PTCH1: variants seen among roughly 807,000 people sequenced by gnomAD.
PTCH1 encodes the protein protein patched homolog 1.
Under a neutral mutation model 144.6 loss-of-function variants are expected in PTCH1, and 14 were observed. The ratio of observed to expected loss-of-function variants is 0.10; its 90% CI spans 0.06 to 0.15. The LOEUF is 0.15. Among genes scored for constraint, PTCH1 ranks in the 10% least tolerant of loss-of-function variants. The pLI is 1.00. For synonymous variants in PTCH1, 833 were observed against 793.6 expected, an observed-to-expected ratio of 1.05 and a Z score of -0.83; for missense variants, 1,623 against 1,948.3, an observed-to-expected ratio of 0.83 and a Z score of 3.14.
intron 1 of PTCH1, 150 bp from the exon 2 acceptor site, chr9:95,506,749 C>G: frequency 9.4e-7 from 1 of 1,066,382 alleles, no homozygotes; most frequent in Non-Finnish European, 1.2e-6. Context: ...GACTGCAGCC[C>G]CGGCGGATCT....
chr9:95,465,594 G>A (rs1321741339), intron 15 of PTCH1, among the ~76,000 whole-genome samples: 3 of 152,196 alleles, frequency 2.0e-5, no homozygotes, highest in South Asian at 4.1e-4. Context: ...GTAAACACAA[G>A]TCAAGGCCAG....
At position 95,445,821 on chromosome 9, in the gene PTCH1, A is replaced by C. The variant is rs1227980743; in HGVS notation, c.*572T>G. ...GGACCGCACACAACGACACCTAGAG[A>C]AGCCACCAGGATTAACGTGCTTTCT... is the stretch of plus-strand genomic sequence containing the variant. On this transcript the variant is annotated 3_prime_UTR_variant, in exon 24 of 24. Coordinates refer to ENST00000331920, the MANE Select transcript of PTCH1 (RefSeq NM_000264.5). The C allele has an allele frequency of 1.3e-5, 2 of 156,102 alleles. No homozygotes were observed. Among genetic ancestry groups the C allele is most frequent in the Non-Finnish European group, 2.8e-5 (2 of 70,370 alleles). The allele number at this position is 156,102 out of a possible 1,614,324, so 9.7% of individuals were successfully genotyped here. A position where few individuals can be genotyped will look rare whatever the true frequency, so the allele number is the denominator to read the frequency against.
At position 95,465,971 on chromosome 9, in the gene PTCH1, CT is replaced by C. The variant is rs950670525; in HGVS notation, c.2560+1144del. Among the ~76,000 whole-genome samples the C allele has an allele frequency of 8.5e-5, 13 of 152,200 alleles. No individual in the cohort carries two copies. In the East Asian group the frequency reaches 1.3e-3, roughly 16 times the overall value. ...GCAGTCGGTCAGGAGAAAATTTAGA[CT>C]TTTTTTTCCCCTCCAGCTGATGAAT... On this transcript the variant is annotated intron_variant, in intron 15 of 23. Transcript: ENST00000331920.
chr9:95,443,658 C>G lies in PTCH1; in HGVS notation c.*2735G>C, dbSNP rs1245017009. On this transcript the variant is annotated 3_prime_UTR_variant, in exon 24 of 24. Coordinates refer to ENST00000331920, the MANE Select transcript of PTCH1 (RefSeq NM_000264.5). The stretch of plus-strand genomic sequence containing the variant: ...CAATGAAAACTGTGCCCACTCATGT[C>G]TCAGCAAAGTTCCAGACATTATGGA... The G allele has an allele frequency of 6.6e-6, 1 of 152,576 alleles. No individual in the cohort carries two copies. Among genetic ancestry groups the G allele is most frequent in the Admixed American group, 6.5e-5 (1 of 15,282 alleles). The allele number at this position is 152,576 out of a possible 1,614,324, so 9.5% of individuals were successfully genotyped here.
rs1805156 is a variant in PTCH1 at position 95,467,372 on chromosome 9, G to A, written c.2304C>T (p.Thr768=). Residue 768 remains threonine, a synonymous_variant, in exon 15 of 24, where the codon ACC becomes ACT. Transcript: ENST00000331920. ...GGTCCAGCCCGTCTCTCACTCGGGT[G>A]GTGCCATAAAGGCTGACCCCCAGCA... ...LGLLGVSLYG[T]TRVRDGLDLT... 1,084 of 1,614,182 alleles carry A rather than the reference G, an allele frequency of 6.7e-4. 1 individual carries two copies. Among genetic ancestry groups the A allele is most frequent in the Admixed American group, 1.9e-3 (113 of 60,020 alleles).
chr9:95,478,122 A>G lies in PTCH1; in HGVS notation c.1280T>C (p.Leu427Pro). The G allele has an allele frequency of 1.2e-6, 2 of 1,614,188 alleles. No individual in the cohort carries two copies. The highest frequency in any genetic ancestry group is 8.5e-7 in the Non-Finnish European group (1 of 1,180,032). Residue 427 changes from leucine (L) to proline (P), a missense_variant, in exon 9 of 24, where the codon CTG (leucine) becomes CCG (proline). Physicochemically the swap from Leu to Pro is moderately conservative, Grantham distance 98 (BLOSUM62 -3). This residue lies in a region of PTCH1 where 230 missense variants were observed against 271.0 expected (regional missense o/e 0.85). Transcript: ENST00000331920. The part of the protein sequence containing the change: ...QKVLSFTTTT[L>P]DDILKSFSDV... ...AGAGAAGGATTTCAGGATGTCGTCCAGGGTCGTGGTGGTGAAGGAAAGCAC... is the reference window on the plus strand; with the variant it reads ...AGAGAAGGATTTCAGGATGTCGTCCGGGGTCGTGGTGGTGAAGGAAAGCAC...
In PTCH1 at chr9:95,468,705, G is replaced by A. The variant is rs576611266; in HGVS notation, c.2250+46C>T. ...CAATCTGATGAACTCCAAAGGTTCT[G>A]TTATTTTTTTGAAGACAGGAAGAGC... On this transcript the variant is annotated intron_variant, in intron 14 of 23. Transcript: ENST00000331920. 23 of 1,601,924 alleles carry A rather than the reference G, an allele frequency of 1.4e-5. No individual in the cohort carries two copies. The Admixed American group carries it at 3.2e-4, about 22-fold the overall frequency.
chr9:95,476,299 C>T lies in PTCH1; in HGVS notation c.1603-140G>A, dbSNP rs957307897. 5.7e-5 allele frequency: 69 copies of T among 1,205,806 alleles called. No homozygotes were observed. Among genetic ancestry groups the T allele is most frequent in the Non-Finnish European group, 7.1e-5 (60 of 847,354 alleles). The allele number at this position is 1,205,806 out of a possible 1,614,324, so 74.7% of individuals were successfully genotyped here. The stretch of plus-strand genomic sequence containing the variant: ...GCTGGCATTAGGGAAACAGAGCCAC[C>T]TGCCTTACCCCCTAACACCAGCATT... On this transcript the variant is annotated intron_variant, in intron 11 of 23. Coordinates refer to ENST00000331920, the MANE Select transcript of PTCH1 (RefSeq NM_000264.5). The surrounding 1 kb of genome is among the most constrained non-coding windows in gnomAD (Gnocchi z 4.6).
intron 2 of PTCH1, among the ~76,000 whole-genome samples, chr9:95,505,022 T>C (rs1011265748): frequency 2.6e-5 from 4 of 152,208 alleles, no homozygotes; most frequent in Admixed American, 6.5e-5. Flanking sequence ...ATGGATTCAA[T>C]CCAAAGAACG....
chr9:95,468,979 C>A lies in PTCH1; in HGVS notation c.2022G>T (p.Val674=), dbSNP rs368564259. The change falls in exon 14 of 24, where the codon GTG becomes GTT. Residue 674 remains valine, a synonymous_variant. Coordinates refer to ENST00000331920, the MANE Select transcript of PTCH1 (RefSeq NM_000264.5). ...AGCGCGGCTCAGCGGTGGTGTAGTACACGTGCGTGTGGGGGTCGTACTCCG... is the reference window on the plus strand; with the variant it reads ...AGCGCGGCTCAGCGGTGGTGTAGTAAACGTGCGTGTGGGGGTCGTACTCCG... The part of the protein sequence containing the change: ...LRTEYDPHTH[V]YYTTAEPRSE... 2 of 1,614,022 alleles carry A rather than the reference C, an allele frequency of 1.2e-6. No homozygotes were observed. The highest frequency in any genetic ancestry group is 2.2e-5 in the East Asian group (1 of 44,864).
At chr9:95,488,799 G>A (rs969690835) in intron 2 of PTCH1, among the ~76,000 whole-genome samples, 5 of 152,206 alleles carry the variant, frequency 3.3e-5, no homozygotes, top group Non-Finnish European at 5.9e-5. Flanking sequence ...GTTGGGTAGT[G>A]GGGAAGGGGA....
rs962703991 is a variant in PTCH1, at chr9:95,445,552, T to C, written c.*841A>G. Reference sequence around the variant, plus strand: ...GGTCCTGGATGGCAGCCAATGATCATAAGAGATGCCGTAGACACGAGGAGA... The same window carrying C: ...GGTCCTGGATGGCAGCCAATGATCACAAGAGATGCCGTAGACACGAGGAGA... On this transcript the variant is annotated 3_prime_UTR_variant, in exon 24 of 24. Transcript: ENST00000331920. 3.3e-5 allele frequency: 5 copies of C among 152,220 alleles called. No homozygotes were observed. The highest frequency in any genetic ancestry group is 5.9e-5 in the Non-Finnish European group (4 of 68,070). The allele number at this position is 152,220 out of a possible 1,614,324, so 9.4% of individuals were successfully genotyped here.
At position 95,508,540 on chromosome 9, in the gene PTCH1, C is replaced by A; in HGVS notation, c.-179G>T. The stretch of plus-strand genomic sequence containing the variant: ...AGACCAGCCGCTGCTGCTGCTCACA[C>A]GGCGGGCGCTGCTGCCGCTGCGGCC... On this transcript the variant is annotated 5_prime_UTR_variant, in exon 1 of 24. Transcript: ENST00000331920. 3.0e-6 allele frequency: 3 copies of A among 1,010,304 alleles called. No homozygotes were observed. Among genetic ancestry groups the A allele is most frequent in the Non-Finnish European group, 3.5e-6 (3 of 846,226 alleles). The allele number at this position is 1,010,304 out of a possible 1,614,324, so 62.6% of individuals were successfully genotyped here.
At chr9:95,446,556 TG>T in intron 23 of PTCH1, 165 bp from the exon 24 acceptor site, 1 of 440,308 alleles carries the variant, frequency 2.3e-6, no homozygotes, top group South Asian at 1.8e-5. Flanking sequence ...TCCCTTCATC[TG>T]GGGGCTGGTT....
intron 6 of PTCH1, 99 bp downstream of exon 6, chr9:95,480,291 T>C: frequency 1.3e-6 from 2 of 1,547,192 alleles, no homozygotes; most frequent in East Asian, 2.3e-5. Context: ...TCATGGAGAA[T>C]GAAATGTTAA....
intron 23 of PTCH1, 102 bp downstream of exon 23, chr9:95,446,809 G>C: frequency 6.7e-7 from 1 of 1,488,066 alleles, no homozygotes; most frequent in Non-Finnish European, 9.3e-7. Context: ...GGATGTGCCC[G>C]AGCGCCACAG....
chr9:95,459,820 G>C (rs748017376), intron 16 of PTCH1, 37 bp from the exon 17 acceptor site: 1 of 1,608,286 alleles, frequency 6.2e-7, no homozygotes. Context: ...TTTGAGAATG[G>C]GGTTGGGGGT....
intron 15 of PTCH1, among the ~76,000 whole-genome samples, chr9:95,463,711 A>C (rs1363847201): frequency 6.6e-6 from 1 of 152,116 alleles, no homozygotes; most frequent in Non-Finnish European, 1.5e-5. Context: ...CAACCAAGGG[A>C]CAGCCCCGTT....
intron 1 of PTCH1, 154 bp from the exon 2 acceptor site, chr9:95,506,753 C>A (rs1336575809): frequency 1.9e-6 from 2 of 1,050,804 alleles, no homozygotes; most frequent in Non-Finnish European, 2.4e-6. Context: ...GCAGCCCCGG[C>A]GGATCTGAGC....
Sources: gnomAD v4.1 joint callset for allele counts (sites outside exome capture counted in the v4.1 genomes callset) on GRCh38, gnomAD v4.1.1 for gene constraint, gnomAD v4.1.1 regional missense constraint, Gnocchi (gnomAD v3.1) non-coding constraint, MANE v1.5 for transcripts, NCBI Gene and HGNC (gene_info 2026-07-23, HGNC 2026-07-21) for gene names.